The following PDE6A variants were observed in gnomAD, a reference collection of about 807,000 sequenced individuals.
PDE6A encodes rod cGMP-specific 3',5'-cyclic phosphodiesterase subunit alpha.
A neutral mutation model predicts 106.3 loss-of-function variants in PDE6A; 84 were observed. The ratio of observed to expected loss-of-function variants is 0.79; its 90% CI spans 0.66 to 0.95. The LOEUF (loss-of-function observed/expected upper bound fraction) is 0.95, where lower values mean the gene tolerates loss of function less well. Ranked by LOEUF, PDE6A falls within the 40% of genes least tolerant of loss-of-function variation. The pLI, the probability that PDE6A is intolerant of heterozygous loss-of-function variation, is 0.00. For missense variants in PDE6A, 1,052 were observed against 1,084.9 expected, an observed-to-expected ratio of 0.97 and a Z score of 0.43; for synonymous variants, 394 against 386.6, an observed-to-expected ratio of 1.02 and a Z score of -0.23.
intron 13 of PDE6A, among the ~76,000 whole-genome samples, chr5:149,894,599 G>C (rs1752663832): frequency 6.7e-6 from 1 of 149,708 alleles, no homozygotes; most frequent in Non-Finnish European, 1.5e-5. Context: ...CCCAAGCAAA[G>C]ACTATAACCA....
intron 5 of PDE6A, among the ~76,000 whole-genome samples, chr5:149,918,988 A>C (rs1259148615): frequency 1.3e-5 from 2 of 152,112 alleles, no homozygotes; most frequent in Admixed American, 1.3e-4. Context: ...TCTAGAAAGC[A>C]AAGGTGGCTG....
intron 5 of PDE6A, among the ~76,000 whole-genome samples, chr5:149,917,581 C>CAA (rs1197666290): frequency 1.3e-5 from 2 of 152,172 alleles, no homozygotes; most frequent in Admixed American, 1.3e-4. Flanking sequence ...TCTGGTTAAA[C>CAA]AAAAGGCAGA....
chr5:149,876,789 A>T (rs1464246701), intron 17 of PDE6A, among the ~76,000 whole-genome samples: 1 of 152,118 alleles, frequency 6.6e-6, no homozygotes, highest in Admixed American at 6.6e-5. Flanking sequence ...TCCTATTTTT[A>T]AATTTAAATA....
At chr5:149,922,944 A>G (rs1753763090) in intron 4 of PDE6A, among the ~76,000 whole-genome samples, 1 of 152,220 alleles carries the variant, frequency 6.6e-6, no homozygotes, top group Non-Finnish European at 1.5e-5. Context: ...CCAAAACCCA[A>G]TTTAGGAGTA....
At chr5:149,926,308 C>T (rs1305891285) in intron 4 of PDE6A, among the ~76,000 whole-genome samples, 3 of 151,612 alleles carry the variant, frequency 2.0e-5, no homozygotes, top group South Asian at 4.2e-4. Context: ...AATCCAGAAA[C>T]AGACCCATAC....
intron 4 of PDE6A, among the ~76,000 whole-genome samples, chr5:149,925,857 A>G (rs887395250): frequency 6.6e-6 from 1 of 152,212 alleles, no homozygotes; most frequent in Non-Finnish European, 1.5e-5. Flanking sequence ...TAATAATAAT[A>G]AACTTAGAGG....
At chr5:149,930,936 C>A in intron 4 of PDE6A, 92 bp downstream of exon 4, 1 of 1,285,724 alleles carries the variant, frequency 7.8e-7, no homozygotes, top group Non-Finnish European at 1.1e-6. Context: ...AGCCTCTTCC[C>A]CCGTGCAATT....
rs532653297 is a variant in PDE6A at position 149,923,192 on chromosome 5, T to C, written c.859-1483A>G. Among the ~76,000 whole-genome samples, 3 of 152,270 alleles carry C rather than the reference T, an allele frequency of 2.0e-5. No individual in the cohort carries two copies. In the East Asian group the frequency reaches 5.8e-4, roughly 29 times the overall value. On this transcript the variant is annotated intron_variant, in intron 4 of 21. Coordinates refer to ENST00000255266, the MANE Select transcript of PDE6A (RefSeq NM_000440.3). ...CGTTGCTCATATAAACTCTGTTGAA[T>C]TTGTTTTGTCTAAAAGTGGCCAAGG...
chr5:149,871,576 T>G (rs245082), intron 17 of PDE6A, among the ~76,000 whole-genome samples: 79,191 of 151,648 alleles, frequency 0.52, 22,420 homozygotes, highest in African/African-American at 0.74. Context: ...AAGGAAGCCC[T>G]GCACAAAGAG....
At chr5:149,867,465 T>TA in intron 19 of PDE6A, 1 of 579,168 alleles carries the variant, frequency 1.7e-6, no homozygotes, top group South Asian at 2.0e-5. Flanking sequence ...GCTTACTAGT[T>TA]AGAGCATTCA....
intron 8 of PDE6A, among the ~76,000 whole-genome samples, chr5:149,902,821 C>CA (rs773375068): frequency 0.045 from 4,729 of 105,108 alleles, 130 homozygotes; most frequent in African/African-American, 0.09. Flanking sequence ...GACTCCGTCT[C>CA]AAAAAAAAAA....
intron 20 of PDE6A, among the ~76,000 whole-genome samples, chr5:149,864,746 G>T (rs1229418798): frequency 6.6e-6 from 1 of 152,180 alleles, no homozygotes; most frequent in Non-Finnish European, 1.5e-5. Flanking sequence ...TGAAGTGCCA[G>T]AGCCGACTGT....
At chr5:149,903,482 A>C (rs190861293) in intron 8 of PDE6A, among the ~76,000 whole-genome samples, 166 bp downstream of exon 8, 19 of 152,216 alleles carry the variant, frequency 1.2e-4, no homozygotes, top group African/African-American at 3.9e-4. Context: ...GAAATTACCC[A>C]GTTAACTCTG....
Position 149,944,709 on chromosome 5 carries a change from T to C in PDE6A, c.-36A>G, listed in dbSNP as rs769037303. ...CCCACTGGCTACTCTGTAGAAGGACTGGGACGGAGGCCTTCCAATGGCAGT... is the reference window on the plus strand; with the variant it reads ...CCCACTGGCTACTCTGTAGAAGGACCGGGACGGAGGCCTTCCAATGGCAGT... On this transcript the variant is annotated 5_prime_UTR_variant, in exon 1 of 22. Transcript: ENST00000255266. The C allele has an allele frequency of 1.9e-6, 3 of 1,546,092 alleles. No individual in the cohort carries two copies. Among genetic ancestry groups the C allele is most frequent in the African/African-American group, 1.4e-5 (1 of 73,774 alleles).
chr5:149,940,875 T>G (rs535458614), intron 1 of PDE6A, among the ~76,000 whole-genome samples: 15 of 152,324 alleles, frequency 9.8e-5, no homozygotes, highest in African/African-American at 3.6e-4. Flanking sequence ...TTTAGTTTCC[T>G]TGTCTATTAA....
chr5:149,936,442 G>A lies in PDE6A; in HGVS notation c.475-1724C>T, dbSNP rs193048622. On this transcript the variant is annotated intron_variant, in intron 1 of 21. Transcript: ENST00000255266. The stretch of plus-strand genomic sequence containing the variant: ...TTCTAAGCTACTGATGAGTTCCTGA[G>A]CACGTGTCTAGGTGGAGTATGCTCA... Among the ~76,000 whole-genome samples, 41 of 152,262 alleles carry A rather than the reference G, an allele frequency of 2.7e-4. 1 individual carries two copies. The highest frequency in any genetic ancestry group is 1.0e-4 in the Non-Finnish European group (7 of 68,016).
At chr5:149,919,524 A>AT (rs5872152) in intron 5 of PDE6A, among the ~76,000 whole-genome samples, 3 of 151,918 alleles carry the variant, frequency 2.0e-5, no homozygotes, top group African/African-American at 7.2e-5. Context: ...AGAAATGGAC[A>AT]TTTTTTTTGG....
At chr5:149,917,626 A>G (rs1753594879) in intron 5 of PDE6A, among the ~76,000 whole-genome samples, 2 of 152,210 alleles carry the variant, frequency 1.3e-5, no homozygotes, top group African/African-American at 4.8e-5. Context: ...GGCTACCCCC[A>G]GGGGTAGTGA....
chr5:149,869,515 G>C (rs1306351560), intron 17 of PDE6A, among the ~76,000 whole-genome samples: 2 of 152,176 alleles, frequency 1.3e-5, no homozygotes, highest in African/African-American at 4.8e-5. Context: ...CAAGAGGAGG[G>C]AGCAAGGGGG....
Sources: gnomAD v4.1 joint callset for allele counts (sites outside exome capture counted in the v4.1 genomes callset) on GRCh38, gnomAD v4.1.1 for gene constraint, MANE v1.5 for transcripts, NCBI Gene and HGNC (gene_info 2026-07-23, HGNC 2026-07-21) for gene names.